The following HCN1 variants were observed in gnomAD, a reference collection of about 807,000 sequenced individuals.
HCN1 encodes the protein potassium/sodium hyperpolarization-activated cyclic nucleotide-gated channel 1.
Under a neutral mutation model 78.9 loss-of-function variants are expected in HCN1, and 13 were observed. The observed-to-expected ratio is 0.16, with a 90% CI of 0.11 to 0.26. The LOEUF is 0.26. Among genes scored for constraint, HCN1 ranks in the 10% least tolerant of loss-of-function variants. HCN1 has a pLI of 1.00. For missense variants in HCN1, 810 were observed against 1,154.3 expected (o/e 0.70, Z 4.32); for synonymous variants, 552 against 455.5 (o/e 1.21, Z -2.70).
At position 45,510,390 on chromosome 5, in the gene HCN1, C is replaced by T. The variant is rs527402639; in HGVS notation, c.850-48383G>A. On this transcript the variant is annotated intron_variant, in intron 2 of 7. Coordinates refer to ENST00000303230, the MANE Select transcript of HCN1 (RefSeq NM_021072.4). The stretch of plus-strand genomic sequence containing the variant: ...ACATTCTATTATATGACTAGAGTAT[C>T]GACTCAATAGGGCTGGGGCTTGTTA... Among the ~76,000 whole-genome samples, 6 of 152,090 alleles carry T rather than the reference C, an allele frequency of 3.9e-5. No homozygotes were observed. In the South Asian group the frequency reaches 6.2e-4, roughly 16 times the overall value.
intron 2 of HCN1, among the ~76,000 whole-genome samples, chr5:45,498,811 C>T (rs577858248): frequency 6.6e-6 from 1 of 152,154 alleles, no homozygotes; most frequent in Admixed American, 6.5e-5. Context: ...AGACAGGACC[C>T]TCAGCTGCAG....
At chr5:45,326,333 T>A (rs1470934766) in intron 5 of HCN1, among the ~76,000 whole-genome samples, 2 of 151,698 alleles carry the variant, frequency 1.3e-5, no homozygotes, top group Non-Finnish European at 3.0e-5. Flanking sequence ...CCAGTTCACC[T>A]TAACGTAGTT....
intron 3 of HCN1, among the ~76,000 whole-genome samples, chr5:45,400,212 T>G (rs1022389851): frequency 6.6e-6 from 1 of 152,044 alleles, no homozygotes; most frequent in African/African-American, 2.4e-5. Context: ...TTATTTCTAT[T>G]GGTATTGTTT....
intron 3 of HCN1, among the ~76,000 whole-genome samples, chr5:45,448,849 C>G (rs1402972973): frequency 1.3e-5 from 2 of 152,190 alleles, no homozygotes; most frequent in Admixed American, 1.3e-4. Context: ...CATGGTGGCT[C>G]ACGCCTGTAA....
At chr5:45,371,792 C>T (rs1207584688) in intron 4 of HCN1, among the ~76,000 whole-genome samples, 4 of 139,232 alleles carry the variant, frequency 2.9e-5, no homozygotes, top group Non-Finnish European at 6.1e-5. Context: ...TACACACACA[C>T]ATACACACAC....
At chr5:45,298,162 G>T (rs1200140046) in intron 6 of HCN1, among the ~76,000 whole-genome samples, 2 of 151,938 alleles carry the variant, frequency 1.3e-5, no homozygotes, top group East Asian at 3.9e-4. Context: ...GAGTTGACTG[G>T]CTCATGAGGG....
intron 3 of HCN1, among the ~76,000 whole-genome samples, chr5:45,426,884 T>A (rs1007414513): frequency 6.6e-6 from 1 of 152,188 alleles, no homozygotes; most frequent in Non-Finnish European, 1.5e-5. Context: ...AAAGTAATTA[T>A]GTAATCTGAA....
chr5:45,370,278 A>C (rs1336771954), intron 4 of HCN1, among the ~76,000 whole-genome samples: 1 of 152,042 alleles, frequency 6.6e-6, no homozygotes, highest in Non-Finnish European at 1.5e-5. Flanking sequence ...AGTTAAAAAA[A>C]CCTGAATATA....
chr5:45,492,434 T>A (rs1741905848), intron 2 of HCN1, among the ~76,000 whole-genome samples: 1 of 140,904 alleles, frequency 7.1e-6, no homozygotes, highest in South Asian at 2.2e-4. Context: ...AAATTTGAAG[T>A]AAAATCTTCT....
intron 2 of HCN1, among the ~76,000 whole-genome samples, chr5:45,514,145 C>A (rs920267183): frequency 1.3e-5 from 2 of 152,188 alleles, no homozygotes; most frequent in African/African-American, 2.4e-5. Flanking sequence ...CTCAAAATTT[C>A]TTCTCCTTAT....
intron 4 of HCN1, among the ~76,000 whole-genome samples, chr5:45,371,889 A>T (rs1372048845): frequency 1.1e-5 from 1 of 93,472 alleles, no homozygotes; most frequent in African/African-American, 5.7e-5. Context: ...TGAAATAAAT[A>T]TAATATACAT....
At chr5:45,419,826 A>G (rs1429311995) in intron 3 of HCN1, among the ~76,000 whole-genome samples, 2 of 152,184 alleles carry the variant, frequency 1.3e-5, no homozygotes, top group African/African-American at 2.4e-5. Flanking sequence ...TTCTGTTACT[A>G]CTATTCCTGG....
At chr5:45,366,903 A>T (rs1747249735) in intron 4 of HCN1, among the ~76,000 whole-genome samples, 1 of 151,804 alleles carries the variant, frequency 6.6e-6, no homozygotes, top group Non-Finnish European at 1.5e-5. Context: ...TCAAGTCTGA[A>T]TGATGTGGTA....
intron 2 of HCN1, among the ~76,000 whole-genome samples, chr5:45,494,158 T>A (rs1741967580): frequency 6.6e-6 from 1 of 152,114 alleles, no homozygotes; most frequent in South Asian, 2.1e-4. Context: ...CAGTTCTAGA[T>A]CCCTGAGGAA....
intron 5 of HCN1, among the ~76,000 whole-genome samples, chr5:45,314,996 A>T (rs1745948228): frequency 6.6e-6 from 1 of 152,170 alleles, no homozygotes; most frequent in African/African-American, 2.4e-5. Flanking sequence ...TCAACATTAG[A>T]CAGATCAACG....
intron 2 of HCN1, among the ~76,000 whole-genome samples, chr5:45,549,447 T>G (rs1422427233): frequency 6.6e-6 from 1 of 152,274 alleles, no homozygotes; most frequent in Admixed American, 6.5e-5. Flanking sequence ...TAGCCATATG[T>G]AGAAAGCTGA....
intron 3 of HCN1, among the ~76,000 whole-genome samples, chr5:45,446,205 A>T (rs2111583540): frequency 6.6e-6 from 1 of 152,356 alleles, no homozygotes; most frequent in East Asian, 1.9e-4. Flanking sequence ...GAGCTGATGG[A>T]GCTGAAAGCC....
At chr5:45,388,150 T>C (rs558376857) in intron 4 of HCN1, among the ~76,000 whole-genome samples, 1 of 152,304 alleles carries the variant, frequency 6.6e-6, no homozygotes, top group African/African-American at 2.4e-5. Context: ...ATTCAAAATA[T>C]ATGAACTTCC....
chr5:45,433,911 T>C (rs923153628), intron 3 of HCN1, among the ~76,000 whole-genome samples: 4 of 152,160 alleles, frequency 2.6e-5, no homozygotes, highest in Admixed American at 6.5e-5. Flanking sequence ...AAATATCACA[T>C]GGTGTGGGAG....
Sources: gnomAD v4.1 joint callset for allele counts (sites outside exome capture counted in the v4.1 genomes callset) on GRCh38, gnomAD v4.1.1 for gene constraint, MANE v1.5 for transcripts, NCBI Gene and HGNC (gene_info 2026-07-23, HGNC 2026-07-21) for gene names.